APBA2: variants seen among roughly 807,000 people sequenced by gnomAD.
APBA2 encodes the protein amyloid-beta A4 precursor protein-binding family A member 2.
In APBA2, 30 loss-of-function variants were observed where a neutral mutation model predicts 75.0. The observed-to-expected ratio is 0.40, with a 90% CI of 0.30 to 0.54. The LOEUF (loss-of-function observed/expected upper bound fraction) is 0.54, where lower values mean the gene tolerates loss of function less well. Among genes scored for constraint, APBA2 ranks in the 20% least tolerant of loss-of-function variants. The pLI is 0.49. For missense variants in APBA2, 801 were observed against 1,016.1 expected, an observed-to-expected ratio of 0.79 and a Z score of 2.88; for synonymous variants, 444 against 409.6, an observed-to-expected ratio of 1.08 and a Z score of -1.01.
chr15:28,921,543 A>G (rs1388621956), intron 1 of APBA2, 97 bp from the exon 2 acceptor site: 2 of 152,176 alleles, frequency 1.3e-5, no homozygotes, highest in Non-Finnish European at 2.9e-5. Context: ...CGTGTGGCCC[A>G]TCGTTGCCAT....
At chr15:29,084,114 T>G (rs2043191446) in intron 6 of APBA2, among the ~76,000 whole-genome samples, 1 of 152,238 alleles carries the variant, frequency 6.6e-6, no homozygotes, top group South Asian at 2.1e-4. Context: ...AAGCTATCGA[T>G]TTTTATATAT....
intron 3 of APBA2, among the ~76,000 whole-genome samples, chr15:29,042,760 G>A (rs7173909): frequency 0.21 from 31,964 of 151,850 alleles, 4,226 homozygotes; most frequent in East Asian, 0.45. Context: ...TCCCCCTCGA[G>A]TCTTGTGGCC....
intron 3 of APBA2, among the ~76,000 whole-genome samples, chr15:29,047,895 C>T (rs1469902521): frequency 2.0e-5 from 3 of 152,000 alleles, no homozygotes; most frequent in Non-Finnish European, 4.4e-5. Context: ...GATCTATTCG[C>T]AACAGCCACA....
chr15:28,979,521 A>T (rs1168282593), intron 2 of APBA2, among the ~76,000 whole-genome samples: 1 of 152,150 alleles, frequency 6.6e-6, no homozygotes, highest in African/African-American at 2.4e-5. Flanking sequence ...CAGAGTGGTG[A>T]AGCTGTTTGG....
At chr15:29,017,403 T>TC (rs1566910648) in intron 3 of APBA2, among the ~76,000 whole-genome samples, 11 of 132,934 alleles carry the variant, frequency 8.3e-5, no homozygotes, top group African/African-American at 2.8e-4. Flanking sequence ...CTTTCTTTTT[T>TC]TTTTTTTTTT....
chr15:29,063,106 T>C lies in APBA2; in HGVS notation c.951+8271T>C, dbSNP rs185537609. ...GTATGGGTGGTGCGGGGAGTTGATC[T>C]CGGTCAGTGTCTGTATGGGTGGGGA... On this transcript the variant is annotated intron_variant, in intron 4 of 14. Coordinates refer to ENST00000683413, the MANE Select transcript of APBA2 (RefSeq NM_001353788.2). 8.0e-4 allele frequency among the ~76,000 whole-genome samples: 57 copies of C among 70,918 alleles called. 2 individuals are homozygous for C. The highest frequency in any genetic ancestry group is 4.5e-3 in the African/African-American group (54 of 12,080). 46.5% of individuals were successfully genotyped at this position (70,918 alleles called of 152,430 possible). A position where few individuals can be genotyped will look rare whatever the true frequency, so the allele number is the denominator to read the frequency against.
intron 3 of APBA2, among the ~76,000 whole-genome samples, chr15:28,999,202 TAGA>T (rs895912628): frequency 5.6e-4 from 84 of 150,344 alleles, no homozygotes; most frequent in African/African-American, 2.0e-3. Flanking sequence ...TTAAAATACA[TAGA>T]AGATTTTTTC....
intron 2 of APBA2, among the ~76,000 whole-genome samples, chr15:28,966,006 T>G (rs2036717605): frequency 6.6e-6 from 1 of 152,066 alleles, no homozygotes; most frequent in Admixed American, 6.5e-5. Flanking sequence ...ATTTGGAGAT[T>G]TTCCTGTAGT....
At chr15:29,015,472 G>A (rs921475793) in intron 3 of APBA2, among the ~76,000 whole-genome samples, 4 of 152,166 alleles carry the variant, frequency 2.6e-5, no homozygotes, top group Admixed American at 1.3e-4. Flanking sequence ...TTTGCCTGCT[G>A]TCCCCCAGGA....
At chr15:28,947,767 G>T (rs1207924499) in intron 2 of APBA2, among the ~76,000 whole-genome samples, 2 of 152,156 alleles carry the variant, frequency 1.3e-5, no homozygotes, top group Non-Finnish European at 2.9e-5. Flanking sequence ...AAATCTCACT[G>T]GGAGTGAACG....
At chr15:29,009,419 G>A (rs536929006) in intron 3 of APBA2, among the ~76,000 whole-genome samples, 68 of 152,248 alleles carry the variant, frequency 4.5e-4, no homozygotes, top group African/African-American at 1.6e-3. Context: ...CTTAATTCAA[G>A]TGTAATATAA....
In APBA2 at chr15:29,054,280, T is replaced by C. The variant is rs1467025197; in HGVS notation, c.396T>C (p.Asp132=). 6.2e-7 allele frequency: 1 copy of C among 1,614,088 alleles called. No individual in the cohort carries two copies. The highest frequency in any genetic ancestry group is 1.7e-5 in the Admixed American group (1 of 60,030). ...LAHSAHPVDT[D]ECQEAVEEWT... ...ACAGTGCACACCCTGTGGACACTGA[T>C]GAGTGCCAGGAGGCGGTGGAGGAGT... Residue 132 remains aspartate, a synonymous_variant, in exon 4 of 15, where the codon GAT becomes GAC. Transcript: ENST00000683413. The surrounding 1 kb of genome is among the most constrained non-coding windows in gnomAD (Gnocchi z 6.1).
At chr15:28,911,765 C>G (rs1043072424) in intron 1 of APBA2, among the ~76,000 whole-genome samples, 14 of 152,278 alleles carry the variant, frequency 9.2e-5, no homozygotes, top group Admixed American at 2.6e-4. Context: ...GTTTCTGATT[C>G]TAATCAGAAG....
chr15:28,900,372 T>C (rs1000740979), intron 1 of APBA2, among the ~76,000 whole-genome samples: 1 of 152,168 alleles, frequency 6.6e-6, no homozygotes, highest in Non-Finnish European at 1.5e-5. Flanking sequence ...GCTTGTGCCC[T>C]CTCGGGCTCT....
intron 4 of APBA2, among the ~76,000 whole-genome samples, chr15:29,064,044 T>G (rs1185429076): frequency 1.3e-5 from 2 of 152,124 alleles, no homozygotes; most frequent in Non-Finnish European, 2.9e-5. Context: ...ACATGCCTCT[T>G]TCTACTCCAG....
At chr15:28,954,017 C>A (rs1187829312) in intron 2 of APBA2, among the ~76,000 whole-genome samples, 2 of 152,180 alleles carry the variant, frequency 1.3e-5, no homozygotes, top group Admixed American at 1.3e-4. Context: ...TGTCCCTGGC[C>A]ATCTCAACCC....
chr15:28,981,221 C>G (rs994553933), intron 2 of APBA2, among the ~76,000 whole-genome samples: 1 of 152,168 alleles, frequency 6.6e-6, no homozygotes, highest in Non-Finnish European at 1.5e-5. Context: ...AGTAAACAGA[C>G]AACCTACAGA....
chr15:28,962,633 G>A (rs1359333383), intron 2 of APBA2, among the ~76,000 whole-genome samples: 1 of 151,918 alleles, frequency 6.6e-6, no homozygotes, highest in Non-Finnish European at 1.5e-5. Context: ...GGCTTGTCTC[G>A]AACTCCTGGG....
intron 3 of APBA2, among the ~76,000 whole-genome samples, chr15:29,052,494 G>A (rs1250738433): frequency 6.8e-6 from 1 of 147,710 alleles, no homozygotes; most frequent in Non-Finnish European, 1.5e-5. Flanking sequence ...GCAAACTTTT[G>A]GACGTCCTCT....
Sources: allele counts gnomAD v4.1 joint callset (sites outside exome capture counted in the v4.1 genomes callset), GRCh38; gene constraint gnomAD v4.1.1; non-coding constraint Gnocchi (gnomAD v3.1); transcripts MANE v1.5; gene names NCBI Gene and HGNC (gene_info 2026-07-23, HGNC 2026-07-21).